Variants in WDPCP observed in about 807,000 individuals in gnomAD.
WDPCP encodes WD repeat-containing and planar cell polarity effector protein fritz homolog.
In WDPCP, 71 loss-of-function variants were observed where a neutral mutation model predicts 93.1. That is an observed-to-expected ratio of 0.76 (90% CI 0.63 to 0.93). The LOEUF (loss-of-function observed/expected upper bound fraction) is 0.93. WDPCP is among the 40% of genes least tolerant of loss of function. The pLI is 0.00. For synonymous variants in WDPCP, 315 were observed against 315.0 expected, an observed-to-expected ratio of 1.00 and a Z score of 0.00; for missense variants, 844 against 887.4, an observed-to-expected ratio of 0.95 and a Z score of 0.62.
At chr2:63,130,918 T>C (rs1349363682) in intron 17 of WDPCP, among the ~76,000 whole-genome samples, 2 of 152,190 alleles carry the variant, frequency 1.3e-5, no homozygotes, top group Non-Finnish European at 2.9e-5. Context: ...TATATCTTGG[T>C]GAATTGACTC....
At chr2:63,570,927 G>A (rs1707446586) in intron 1 of WDPCP, among the ~76,000 whole-genome samples, 1 of 150,796 alleles carries the variant, frequency 6.6e-6, no homozygotes, top group African/African-American at 2.4e-5. Context: ...TTTTTTTGAG[G>A]TGGAGTCTCA....
At chr2:63,689,305 A>T (rs1447518610) in intron 2 of WDPCP, among the ~76,000 whole-genome samples, 1 of 152,206 alleles carries the variant, frequency 6.6e-6, no homozygotes, top group East Asian at 1.9e-4. Context: ...AGAGCAGAAG[A>T]ATTCACAAAT....
chr2:63,557,795 T>A (rs758896040), intron 1 of WDPCP, among the ~76,000 whole-genome samples: 2 of 151,842 alleles, frequency 1.3e-5, no homozygotes, highest in African/African-American at 2.4e-5. Context: ...ATAAAAACAG[T>A]CTCTCAGACC....
chr2:63,756,078 T>C (rs1376943586), intron 2 of WDPCP, among the ~76,000 whole-genome samples: 1 of 152,200 alleles, frequency 6.6e-6, no homozygotes, highest in Non-Finnish European at 1.5e-5. Context: ...AAGTGAAAAA[T>C]AGTTTTCTTC....
intron 14 of WDPCP, among the ~76,000 whole-genome samples, chr2:63,250,993 G>C (rs1243503550): frequency 6.6e-6 from 1 of 152,022 alleles, no homozygotes; most frequent in Non-Finnish European, 1.5e-5. Context: ...AAAGTTTATA[G>C]AACTAAACGC....
At chr2:63,716,499 G>A (rs1669338443) in intron 2 of WDPCP, among the ~76,000 whole-genome samples, 1 of 152,056 alleles carries the variant, frequency 6.6e-6, no homozygotes, top group Non-Finnish European at 1.5e-5. Context: ...CTATGATGGG[G>A]GAGCCCAACT....
intron 6 of WDPCP, among the ~76,000 whole-genome samples, chr2:63,463,256 G>A (rs983190194): frequency 1.5e-4 from 23 of 152,088 alleles, no homozygotes; most frequent in African/African-American, 5.6e-4. Flanking sequence ...TCAGTGATAT[G>A]GAGGTTTTCT....
chr2:63,578,666 C>T (rs1708278066), intron 1 of WDPCP, among the ~76,000 whole-genome samples: 1 of 152,118 alleles, frequency 6.6e-6, no homozygotes, highest in Non-Finnish European at 1.5e-5. Context: ...ACCTCTGTCT[C>T]TCTAAGGAAC....
intron 3 of WDPCP, among the ~76,000 whole-genome samples, chr2:63,613,611 A>AT (rs578214147): frequency 7.7e-4 from 117 of 152,360 alleles, no homozygotes; most frequent in South Asian, 2.1e-3. Context: ...GTCCAAGGGA[A>AT]TGGGAGCATG....
intron 3 of WDPCP, among the ~76,000 whole-genome samples, chr2:63,644,971 A>C (rs1248829033): frequency 6.6e-6 from 1 of 151,804 alleles, no homozygotes; most frequent in East Asian, 1.9e-4. Context: ...TCCATTAATC[A>C]TTTGTGTTAT....
chr2:63,529,813 A>C (rs1004856779), intron 1 of WDPCP, among the ~76,000 whole-genome samples: 2 of 152,182 alleles, frequency 1.3e-5, no homozygotes, highest in Non-Finnish European at 2.9e-5. Context: ...TTCGGCTGTG[A>C]ATCCTTCTGG....
intron 10 of WDPCP, among the ~76,000 whole-genome samples, chr2:63,397,795 G>T (rs1159359118): frequency 2.0e-5 from 3 of 152,140 alleles, no homozygotes; most frequent in Non-Finnish European, 4.4e-5. Flanking sequence ...AGAGCACAGT[G>T]TTCTGAGGAG....
intron 2 of WDPCP, among the ~76,000 whole-genome samples, chr2:63,706,185 G>C (rs572408980): frequency 2.7e-5 from 4 of 146,410 alleles, no homozygotes. Context: ...TTGAGCCTAC[G>C]TGTGTCTCTG....
At chr2:63,817,955 T>C (rs1198876328) in intron 1 of WDPCP, among the ~76,000 whole-genome samples, 1 of 152,232 alleles carries the variant, frequency 6.6e-6, no homozygotes, top group Non-Finnish European at 1.5e-5. Flanking sequence ...TATTCCATTT[T>C]TTTCTTTCAC....
chr2:63,759,588 A>G (rs2103909633), intron 2 of WDPCP, among the ~76,000 whole-genome samples: 1 of 152,192 alleles, frequency 6.6e-6, no homozygotes, highest in South Asian at 2.1e-4. Flanking sequence ...GGTACTTTAA[A>G]TTTGCCATTT....
chr2:63,574,303 C>T (rs1227661903), intron 1 of WDPCP, among the ~76,000 whole-genome samples: 1 of 152,140 alleles, frequency 6.6e-6, no homozygotes, highest in East Asian at 1.9e-4. Context: ...CTCTTTTGTA[C>T]TCTGTCCCTT....
chr2:63,740,607 T>C (rs1009405570), intron 2 of WDPCP, among the ~76,000 whole-genome samples: 1 of 152,174 alleles, frequency 6.6e-6, no homozygotes, highest in African/African-American at 2.4e-5. Flanking sequence ...ATATTATGAA[T>C]GGGAAGATAA....
intron 2 of WDPCP, among the ~76,000 whole-genome samples, chr2:63,756,709 C>T (rs187718751): frequency 4.3e-4 from 66 of 152,188 alleles, no homozygotes; most frequent in Non-Finnish European, 7.9e-4. Flanking sequence ...ATACTAACAA[C>T]CTCTTAAGAC....
chr2:63,582,208 T>C (rs1188652792), intron 1 of WDPCP, among the ~76,000 whole-genome samples: 2 of 152,052 alleles, frequency 1.3e-5, no homozygotes, highest in Non-Finnish European at 2.9e-5. Flanking sequence ...GTAGTAGACA[T>C]GAAAGATATT....
Sources: gnomAD v4.1 joint callset for allele counts (sites outside exome capture counted in the v4.1 genomes callset) on GRCh38, gnomAD v4.1.1 for gene constraint, MANE v1.5 for transcripts, NCBI Gene and HGNC (gene_info 2026-07-23, HGNC 2026-07-21) for gene names.